Variants in HDAC4 observed in about 807,000 individuals in gnomAD.
HDAC4 encodes histone deacetylase 4.
A neutral mutation model predicts 135.1 loss-of-function variants in HDAC4; 16 were observed. The observed-to-expected ratio is 0.12, with a 90% CI of 0.08 to 0.18. The LOEUF (loss-of-function observed/expected upper bound fraction) is 0.18, where lower values mean the gene tolerates loss of function less well. Ranked by LOEUF, HDAC4 falls within the 10% of genes least tolerant of loss-of-function variation. The pLI, the probability that HDAC4 is intolerant of heterozygous loss-of-function variation, is 1.00. For synonymous variants in HDAC4, 685 were observed against 653.4 expected, an observed-to-expected ratio of 1.05 and a Z score of -0.74; for missense variants, 1,143 against 1,511.8, an observed-to-expected ratio of 0.76 and a Z score of 4.05.
intron 2 of HDAC4, among the ~76,000 whole-genome samples, chr2:239,249,867 T>TA (rs2048685595): frequency 1.3e-5 from 2 of 152,172 alleles, no homozygotes; most frequent in Non-Finnish European, 2.9e-5. Context: ...AAAATATACA[T>TA]AAGCAGTGAA....
At chr2:239,065,571 A>G (rs1224065282) in intron 24 of HDAC4, among the ~76,000 whole-genome samples, 1 of 152,150 alleles carries the variant, frequency 6.6e-6, no homozygotes, top group Admixed American at 6.5e-5. Context: ...CACCCCCACT[A>G]AAGTGCCCTG....
At chr2:239,365,021 A>G (rs1403339797) in intron 1 of HDAC4, among the ~76,000 whole-genome samples, 1 of 152,246 alleles carries the variant, frequency 6.6e-6, no homozygotes, top group Non-Finnish European at 1.5e-5. Flanking sequence ...ATATATATGA[A>G]ATCATTTTTA....
At chr2:239,208,326 C>CAA (rs759398313) in intron 3 of HDAC4, among the ~76,000 whole-genome samples, 8,683 of 67,078 alleles carry the variant, frequency 0.13, 767 homozygotes, top group East Asian at 0.21. Context: ...GACTCCGTCC[C>CAA]AAAAAAAAAA....
chr2:239,082,901 C>T (rs973742695), intron 20 of HDAC4, among the ~76,000 whole-genome samples: 2 of 152,208 alleles, frequency 1.3e-5, no homozygotes, highest in Admixed American at 6.5e-5. Context: ...GATGGGCGGG[C>T]GAGGGGGTGG....
chr2:239,202,387 A>AC (rs2045808706), intron 3 of HDAC4, among the ~76,000 whole-genome samples: 1 of 152,174 alleles, frequency 6.6e-6, no homozygotes. Flanking sequence ...AACAGGTAAC[A>AC]CCTGGAGACA....
At chr2:239,206,393 T>TACAC (rs1553557913) in intron 3 of HDAC4, among the ~76,000 whole-genome samples, 93 of 146,176 alleles carry the variant, frequency 6.4e-4, no homozygotes, top group African/African-American at 2.4e-3. Context: ...CACACATACG[T>TACAC]GCACACACAC....
intron 3 of HDAC4, among the ~76,000 whole-genome samples, chr2:239,194,530 C>G (rs970566080): frequency 1.3e-5 from 2 of 152,188 alleles, no homozygotes; most frequent in Non-Finnish European, 2.9e-5. Context: ...GGTCACAGCT[C>G]GACCCAAGTC....
At chr2:239,078,701 G>C (rs2035010297) in intron 22 of HDAC4, among the ~76,000 whole-genome samples, 1 of 152,234 alleles carries the variant, frequency 6.6e-6, no homozygotes, top group South Asian at 2.1e-4. Flanking sequence ...GCCGGCCGGG[G>C]CCTGGGGAGG....
chr2:239,318,961 C>T (rs965464644), intron 2 of HDAC4, among the ~76,000 whole-genome samples: 3 of 152,122 alleles, frequency 2.0e-5, no homozygotes, highest in Non-Finnish European at 2.9e-5. Flanking sequence ...AGGAACGGAA[C>T]AGCCCCAGTG....
At chr2:239,219,147 C>G (rs1253764170) in intron 3 of HDAC4, among the ~76,000 whole-genome samples, 1 of 147,670 alleles carries the variant, frequency 6.8e-6, no homozygotes, top group Non-Finnish European at 1.5e-5. Context: ...ATAAATCATG[C>G]TGCTATAAAG....
At position 239,308,635 on chromosome 2, in the gene HDAC4, G is replaced by A. The variant is rs557763959; in HGVS notation, c.22+44043C>T. ...AAAAGCACAAAGATCTATGTTCATG[G>A]TGTAGTCCAGGCAGAGTGTGGTTAA... On this transcript the variant is annotated intron_variant, in intron 2 of 26. Transcript: ENST00000543185. This position sits in a 1 kb window ranked among gnomAD's most constrained non-coding sequence, Gnocchi z 4.2. Among the ~76,000 whole-genome samples the A allele has an allele frequency of 2.0e-5, 3 of 152,260 alleles. No individual in the cohort carries two copies. The South Asian group carries it at 6.2e-4, about 32-fold the overall frequency.
At chr2:239,226,517 A>G (rs1037041633) in intron 3 of HDAC4, among the ~76,000 whole-genome samples, 3 of 152,108 alleles carry the variant, frequency 2.0e-5, no homozygotes, top group African/African-American at 4.8e-5. Context: ...CACCCAGAGG[A>G]TATTTCTCAG....
rs1363079666 is a variant in HDAC4, at chr2:239,049,473, TTATATC to T, written c.*3618_*3623del. ...CTTAAAAAAATATATTCATATATAT[TTATATC>T]TATATATTTATATATGTATCAATGC... On this transcript the variant is annotated 3_prime_UTR_variant, in exon 27 of 27. Coordinates refer to ENST00000543185, the MANE Select transcript of HDAC4 (RefSeq NM_001378414.1). 6.6e-6 allele frequency: 1 copy of T among 151,566 alleles called. No individual in the cohort carries two copies. Among genetic ancestry groups the T allele is most frequent in the Non-Finnish European group, 1.5e-5 (1 of 67,882 alleles). The allele number at this position is 151,566 out of a possible 1,614,324, so 9.4% of individuals were successfully genotyped here.
chr2:239,328,945 G>A (rs1388456173), intron 2 of HDAC4, among the ~76,000 whole-genome samples: 1 of 152,254 alleles, frequency 6.6e-6, no homozygotes, highest in African/African-American at 2.4e-5. Flanking sequence ...ATCAAGGGAG[G>A]AGGAATTCTT....
chr2:239,142,249 C>A (rs1165257487), intron 8 of HDAC4, among the ~76,000 whole-genome samples: 1 of 152,168 alleles, frequency 6.6e-6, no homozygotes, highest in African/African-American at 2.4e-5. Flanking sequence ...TCTCTTTCTG[C>A]CAAGAACCGC....
chr2:239,270,623 T>G (rs549358588), intron 2 of HDAC4, among the ~76,000 whole-genome samples: 162 of 152,354 alleles, frequency 1.1e-3, no homozygotes, highest in Non-Finnish European at 2.0e-3. Flanking sequence ...GACCACTCCC[T>G]TGTTCCAAAC....
rs537337333 is a variant in HDAC4, at chr2:239,142,943, C to T, written c.865+1640G>A. The stretch of plus-strand genomic sequence containing the variant: ...ACATGACTCCTGGGTGAGCTCAGCA[C>T]TGATCACGCCCTGTGACGCATGGCT... On this transcript the variant is annotated intron_variant, in intron 8 of 26. Coordinates refer to ENST00000543185, the MANE Select transcript of HDAC4 (RefSeq NM_001378414.1). Among the ~76,000 whole-genome samples, 6 of 149,902 alleles carry T rather than the reference C, an allele frequency of 4.0e-5. No individual in the cohort carries two copies. The South Asian group carries it at 1.1e-3, about 27-fold the overall frequency.
chr2:239,296,522 T>G (rs1041034836), intron 2 of HDAC4, among the ~76,000 whole-genome samples: 5 of 152,250 alleles, frequency 3.3e-5, no homozygotes, highest in African/African-American at 1.2e-4. Context: ...CAGCCTCAAC[T>G]ACCTTCCAAG....
intron 23 of HDAC4, among the ~76,000 whole-genome samples, chr2:239,067,947 C>T (rs141854192): frequency 3.9e-4 from 59 of 152,280 alleles, no homozygotes; most frequent in Non-Finnish European, 6.3e-4. Flanking sequence ...TTGTGTGCGC[C>T]AGGTTTTCAT....
Sources: allele counts gnomAD v4.1 joint callset (sites outside exome capture counted in the v4.1 genomes callset), GRCh38; gene constraint gnomAD v4.1.1; non-coding constraint Gnocchi (gnomAD v3.1); transcripts MANE v1.5; gene names NCBI Gene and HGNC (gene_info 2026-07-23, HGNC 2026-07-21).